Variants in SLC41A2 observed in about 807,000 individuals in gnomAD.
The protein encoded by SLC41A2 is SLC41A1-like 1.
SLC41A2 carries 32 observed loss-of-function variants against 58.3 expected under a neutral mutation model. The observed-to-expected ratio is 0.55, with a 90% CI of 0.41 to 0.74. SLC41A2 has a LOEUF of 0.74. Ranked by LOEUF, SLC41A2 falls within the 30% of genes least tolerant of loss-of-function variation. The pLI, the probability that SLC41A2 is intolerant of heterozygous loss-of-function variation, is 0.00. For synonymous variants in SLC41A2, 190 were observed against 235.0 expected, an observed-to-expected ratio of 0.81 and a Z score of 1.75; for missense variants, 514 against 680.6, an observed-to-expected ratio of 0.76 and a Z score of 2.72.
intron 6 of SLC41A2, among the ~76,000 whole-genome samples, chr12:104,882,876 G>T (rs1398458120): frequency 1.3e-5 from 2 of 152,154 alleles, no homozygotes; most frequent in Non-Finnish European, 2.9e-5. Context: ...GTCTTGCTAG[G>T]TTGGGGAAGT....
chr12:104,895,867 C>T (rs916070239), intron 3 of SLC41A2, among the ~76,000 whole-genome samples: 4 of 151,898 alleles, frequency 2.6e-5, no homozygotes, highest in African/African-American at 4.8e-5. Flanking sequence ...GATCATGTAC[C>T]GCAACTATTA....
rs149727731 is a variant in SLC41A2 at position 104,808,462 on chromosome 12, G to A, written c.1537-3125C>T. Among the ~76,000 whole-genome samples the A allele has an allele frequency of 2.4e-4, 37 of 152,206 alleles. No homozygotes were observed. In the South Asian group the frequency reaches 4.4e-3, roughly 18 times the overall value. ...AGCTTTTTGATGTGCTGCTGGATTC[G>A]GTTTGCCAGTATTTTACTGAGGATT... is the stretch of plus-strand genomic sequence containing the variant. On this transcript the variant is annotated intron_variant, in intron 10 of 10. Transcript: ENST00000258538.
rs550663048 is a variant in SLC41A2 at position 104,825,005 on chromosome 12, G to T, written c.1536+19467C>A. ...CAGAGTTTTAAACCGCCCTAACTGG[G>T]CCAGTCAAAACCCCCAGACTTTGTC... On this transcript the variant is annotated intron_variant, in intron 10 of 10. Transcript: ENST00000258538. 2.7e-5 allele frequency among the ~76,000 whole-genome samples: 4 copies of T among 146,848 alleles called. No homozygotes were observed. The South Asian group carries it at 6.5e-4, about 24-fold the overall frequency.
chr12:104,957,979 C>G (rs1425124640), intron 1 of SLC41A2, 109 bp downstream of exon 1: 3 of 151,924 alleles, frequency 2.0e-5, no homozygotes, highest in Non-Finnish European at 4.4e-5. Flanking sequence ...TCCCCGCGCC[C>G]CCGCCGCCGG....
intron 1 of SLC41A2, among the ~76,000 whole-genome samples, chr12:104,940,071 C>T (rs111687603): frequency 0.038 from 5,807 of 151,602 alleles, 154 homozygotes; most frequent in East Asian, 0.1. Context: ...TGGAGTGCAA[C>T]GGCGTGATCT....
At chr12:104,848,571 G>C (rs971729447) in intron 8 of SLC41A2, among the ~76,000 whole-genome samples, 5 of 151,986 alleles carry the variant, frequency 3.3e-5, no homozygotes, top group African/African-American at 1.2e-4. Context: ...CTAATATCAA[G>C]AATGAAAGAG....
chr12:104,956,799 A>G (rs1390447000), intron 1 of SLC41A2, among the ~76,000 whole-genome samples: 2 of 152,248 alleles, frequency 1.3e-5, no homozygotes, highest in African/African-American at 2.4e-5. Flanking sequence ...AGCACATGAA[A>G]AGATGCTCAG....
chr12:104,955,767 T>A (rs960283819), intron 1 of SLC41A2, among the ~76,000 whole-genome samples: 41 of 152,110 alleles, frequency 2.7e-4, no homozygotes, highest in African/African-American at 8.9e-4. Flanking sequence ...TTTTTTTTTT[T>A]TTGGCCATGA....
chr12:104,872,591 G>A (rs1279604196), intron 6 of SLC41A2, among the ~76,000 whole-genome samples: 1 of 152,140 alleles, frequency 6.6e-6, no homozygotes, highest in Non-Finnish European at 1.5e-5. Flanking sequence ...AAATTAGCCA[G>A]GTGTGGTGGT....
chr12:104,808,996 G>C (rs1193441410), intron 10 of SLC41A2, among the ~76,000 whole-genome samples: 1 of 152,174 alleles, frequency 6.6e-6, no homozygotes, highest in Non-Finnish European at 1.5e-5. Flanking sequence ...GTATAGCACA[G>C]TGGTTAAAAG....
In SLC41A2 at chr12:104,892,749, T is replaced by C. The variant is rs113298784; in HGVS notation, c.735+2525A>G. On this transcript the variant is annotated intron_variant, in intron 4 of 10. Coordinates refer to ENST00000258538, the MANE Select transcript of SLC41A2 (RefSeq NM_001352171.3). ...TGCCAAAAGTGCCAAGAATATACAC[T>C]GAGGAAAAGACAGTCTTTTTAACAA... Among the ~76,000 whole-genome samples, 468 of 152,270 alleles carry C rather than the reference T, an allele frequency of 3.1e-3. 2 individuals carry two copies. Among genetic ancestry groups the C allele is most frequent in the African/African-American group, 0.011 (442 of 41,544 alleles).
At chr12:104,893,189 C>CA (rs1428439384) in intron 4 of SLC41A2, among the ~76,000 whole-genome samples, 1 of 152,028 alleles carries the variant, frequency 6.6e-6, no homozygotes, top group Admixed American at 6.6e-5. Context: ...TTAAAACAGG[C>CA]AAAAGATCTG....
chr12:104,850,104 G>C (rs1332528860), intron 8 of SLC41A2, among the ~76,000 whole-genome samples: 4 of 152,148 alleles, frequency 2.6e-5, no homozygotes, highest in Non-Finnish European at 5.9e-5. Flanking sequence ...GCTAAAAGTT[G>C]AAAGCTTTGA....
intron 4 of SLC41A2, 85 bp downstream of exon 4, chr12:104,895,189 T>C (rs538386055): frequency 3.3e-6 from 3 of 909,244 alleles, no homozygotes; most frequent in East Asian, 2.5e-5. Context: ...GGTAGACTCA[T>C]AGTACTAAAA....
intron 1 of SLC41A2, among the ~76,000 whole-genome samples, chr12:104,939,447 C>T (rs2047413220): frequency 1.3e-5 from 2 of 152,186 alleles, no homozygotes; most frequent in South Asian, 4.1e-4. Flanking sequence ...ATCACTTCCT[C>T]CTGCCTATGC....
intron 2 of SLC41A2, among the ~76,000 whole-genome samples, chr12:104,918,992 G>T (rs939063405): frequency 6.6e-6 from 1 of 152,110 alleles, no homozygotes; most frequent in African/African-American, 2.4e-5. Flanking sequence ...CTCTTTTAGA[G>T]CCATTTCTCT....
At chr12:104,904,340 T>G (rs1316523649) in intron 3 of SLC41A2, among the ~76,000 whole-genome samples, 1 of 152,204 alleles carries the variant, frequency 6.6e-6, no homozygotes, top group Admixed American at 6.5e-5. Context: ...CCCATTCAAA[T>G]AACTTTCTTC....
At chr12:104,920,125 A>G (rs561862269) in intron 2 of SLC41A2, among the ~76,000 whole-genome samples, 1 of 152,248 alleles carries the variant, frequency 6.6e-6, no homozygotes, top group East Asian at 1.9e-4. Flanking sequence ...AGTTGGATGT[A>G]TTTGTGTGGG....
intron 10 of SLC41A2, among the ~76,000 whole-genome samples, chr12:104,812,061 C>T (rs2041194817): frequency 6.6e-6 from 1 of 152,226 alleles, no homozygotes; most frequent in African/African-American, 2.4e-5. Context: ...AATTGAGAGT[C>T]TGCATACCTA....
Sources: allele counts gnomAD v4.1 joint callset (sites outside exome capture counted in the v4.1 genomes callset), GRCh38; gene constraint gnomAD v4.1.1; transcripts MANE v1.5; gene names NCBI Gene and HGNC (gene_info 2026-07-23, HGNC 2026-07-21).